ANKRD12: variants seen among roughly 807,000 people sequenced by gnomAD.
ANKRD12 encodes ankyrin repeat domain 12.
ANKRD12 carries 85 observed loss-of-function variants against 183.4 expected under a neutral mutation model. That is an observed-to-expected ratio of 0.46 (90% CI 0.39 to 0.56). ANKRD12 has a LOEUF of 0.56. Among genes scored for constraint, ANKRD12 ranks in the 20% least tolerant of loss-of-function variants. ANKRD12 has a pLI of 0.00. For missense variants in ANKRD12, 2,405 were observed against 2,357.1 expected, an observed-to-expected ratio of 1.02 and a Z score of -0.42; for synonymous variants, 914 against 800.2, an observed-to-expected ratio of 1.14 and a Z score of -2.40.
At chr18:9,267,888 GAAGAA>G (rs1245117257) in intron 10 of ANKRD12, among the ~76,000 whole-genome samples, 3 of 151,780 alleles carry the variant, frequency 2.0e-5, no homozygotes, top group Non-Finnish European at 4.4e-5. Context: ...GACTAATAAA[GAAGAA>G]AAGAGAGAAG....
intron 6 of ANKRD12, among the ~76,000 whole-genome samples, chr18:9,212,190 A>G (rs1311670360): frequency 6.6e-6 from 1 of 152,074 alleles, no homozygotes; most frequent in African/African-American, 2.4e-5. Context: ...CAAGTAGCAT[A>G]CCAGTACATT....
chr18:9,255,272 A>G lies in ANKRD12; in HGVS notation c.2005A>G (p.Ile669Val), dbSNP rs540530553. 1.8e-5 allele frequency: 28 copies of G among 1,573,646 alleles called. No individual in the cohort carries two copies. In the Admixed American group the frequency reaches 5.3e-4, roughly 30 times the overall value. Residue 669 changes from isoleucine (I) to valine (V), a missense_variant, in exon 9 of 13, where the codon ATT (isoleucine) becomes GTT (valine). Ile to Val is a conservative substitution (Grantham distance 29, BLOSUM62 3). Transcript: ENST00000262126. ...EREKEKHKKE[I>V]EGEKEKYKTK... ...GGAAAAAGAAAAGCATAAAAAAGAA[A>G]TTGAAGGTGAAAAGGAAAAATACAA...
chr18:9,150,019 C>T (rs186706733), intron 1 of ANKRD12, among the ~76,000 whole-genome samples: 3 of 151,892 alleles, frequency 2.0e-5, no homozygotes, highest in Admixed American at 2.0e-4. Flanking sequence ...CTGGTCTCGA[C>T]CTCCTGACCT....
rs528324363 is a variant in ANKRD12, at chr18:9,187,612, T to C, written c.87+5093T>C. Among the ~76,000 whole-genome samples, 201 of 152,356 alleles carry C rather than the reference T, an allele frequency of 1.3e-3. 5 individuals are homozygous for C. In the South Asian group the frequency reaches 0.041, roughly 31 times the overall value. The stretch of plus-strand genomic sequence containing the variant: ...TTAATTTTTATGTAAAGTCCTCTCA[T>C]TAAATATTAAAATAGTTAGGATTTT... On this transcript the variant is annotated intron_variant, in intron 2 of 12. Coordinates refer to ENST00000262126, the MANE Select transcript of ANKRD12 (RefSeq NM_015208.5).
Position 9,255,991 on chromosome 18 carries a change from T to C in ANKRD12, c.2724T>C (p.Asp908=). 2 of 1,562,992 alleles carry C rather than the reference T, an allele frequency of 1.3e-6. No homozygotes were observed. The highest frequency in any genetic ancestry group is 1.4e-5 in the African/African-American group (1 of 71,314). The part of the protein sequence containing the change: ...DDREKSREKM[D]RKHDKEKPEK... ...GAGAGAAAAGTAGAGAAAAGATGGA[T>C]AGGAAACATGACAAAGAAAAGCCTG... The change falls in exon 9 of 13, where the codon GAT becomes GAC. Residue 908 remains aspartate (D), a synonymous_variant. Transcript: ENST00000262126.
At chr18:9,267,005 C>G (rs535653162) in intron 10 of ANKRD12, among the ~76,000 whole-genome samples, 3 of 152,054 alleles carry the variant, frequency 2.0e-5, no homozygotes, top group East Asian at 3.9e-4. Context: ...CAACAAAGAT[C>G]AAAAGAGACA....
At chr18:9,270,235 C>G (rs1306444144) in intron 10 of ANKRD12, among the ~76,000 whole-genome samples, 2 of 152,148 alleles carry the variant, frequency 1.3e-5, no homozygotes, top group African/African-American at 2.4e-5. Flanking sequence ...ACTAGAAATA[C>G]CATTTGACCC....
At chr18:9,212,228 G>A (rs1457252115) in intron 6 of ANKRD12, among the ~76,000 whole-genome samples, 1 of 152,024 alleles carries the variant, frequency 6.6e-6, no homozygotes, top group Non-Finnish European at 1.5e-5. Flanking sequence ...AACAGTAAAA[G>A]TATGTAGGGA....
chr18:9,219,232 T>C (rs2036283195), intron 7 of ANKRD12, among the ~76,000 whole-genome samples: 1 of 152,200 alleles, frequency 6.6e-6, no homozygotes, highest in South Asian at 2.1e-4. Context: ...TAGAAAGCTT[T>C]CAGCAATATC....
intron 12 of ANKRD12, 147 bp downstream of exon 12, chr18:9,279,791 A>G: frequency 1.8e-6 from 1 of 558,712 alleles, no homozygotes; most frequent in Non-Finnish European, 3.2e-6. Context: ...TTGGAAAGAT[A>G]AAGACCACAA....
intron 8 of ANKRD12, among the ~76,000 whole-genome samples, chr18:9,241,492 T>A (rs979219772): frequency 6.6e-6 from 1 of 152,188 alleles, no homozygotes; most frequent in African/African-American, 2.4e-5. Context: ...AGCTACCTCC[T>A]TGATTAAGCC....
intron 3 of ANKRD12, among the ~76,000 whole-genome samples, chr18:9,203,558 G>T (rs1350618658): frequency 6.6e-6 from 1 of 151,798 alleles, no homozygotes; most frequent in African/African-American, 2.4e-5. Flanking sequence ...GTCATGAATT[G>T]TTAGGCAGAA....
chr18:9,148,255 T>C (rs983191936), intron 1 of ANKRD12, among the ~76,000 whole-genome samples: 2 of 152,256 alleles, frequency 1.3e-5, no homozygotes, highest in Non-Finnish European at 2.9e-5. Flanking sequence ...GCCAACCCTC[T>C]CAATTGCAGA....
chr18:9,227,748 T>C (rs2036806688), intron 8 of ANKRD12, among the ~76,000 whole-genome samples: 1 of 152,220 alleles, frequency 6.6e-6, no homozygotes, highest in African/African-American at 2.4e-5. Context: ...TAATGTGTAA[T>C]GATCAAGTGA....
At chr18:9,221,806 A>G (rs2036435607) in intron 7 of ANKRD12, 46 bp from the exon 8 acceptor site, 1 of 1,601,012 alleles carries the variant, frequency 6.2e-7, no homozygotes, top group African/African-American at 1.3e-5. Context: ...GTGCAGTGAT[A>G]ACAATCTGTG....
At chr18:9,243,545 T>C (rs1282304269) in intron 8 of ANKRD12, among the ~76,000 whole-genome samples, 1 of 152,196 alleles carries the variant, frequency 6.6e-6, no homozygotes, top group Non-Finnish European at 1.5e-5. Flanking sequence ...CTAGTATCCT[T>C]GGAGGTTACA....
chr18:9,169,420 G>A (rs1433347828), intron 1 of ANKRD12, among the ~76,000 whole-genome samples: 1 of 152,124 alleles, frequency 6.6e-6, no homozygotes, highest in Non-Finnish European at 1.5e-5. Flanking sequence ...TATATATTTA[G>A]GATAGTTATC....
intron 9 of ANKRD12, among the ~76,000 whole-genome samples, chr18:9,261,918 A>G (rs1041020771): frequency 1.3e-5 from 2 of 152,174 alleles, no homozygotes; most frequent in Non-Finnish European, 2.9e-5. Flanking sequence ...CTAGAGGCCT[A>G]TATGGTTTTC....
At chr18:9,152,037 C>A (rs2078701830) in intron 1 of ANKRD12, among the ~76,000 whole-genome samples, 1 of 152,084 alleles carries the variant, frequency 6.6e-6, no homozygotes. Context: ...GGCAACAAAG[C>A]AAGACCTGGT....
Sources: allele counts gnomAD v4.1 joint callset (sites outside exome capture counted in the v4.1 genomes callset), GRCh38; gene constraint gnomAD v4.1.1; transcripts MANE v1.5; gene names NCBI Gene and HGNC (gene_info 2026-07-23, HGNC 2026-07-21).